FGF5: variants seen among roughly 807,000 people sequenced by gnomAD.
The protein encoded by FGF5 is fibroblast growth factor 5, also known as heparin-binding growth factor 5.
FGF5 carries 23 observed loss-of-function variants against 21.8 expected under a neutral mutation model. The observed-to-expected ratio is 1.05, with a 90% confidence interval of 0.76 to 1.49. FGF5 has a LOEUF of 1.49. Ranked by LOEUF, FGF5 falls within the 40% of genes most tolerant of loss-of-function variation. The probability of loss-of-function intolerance (pLI) is 0.00; values close to 1 mark genes in which losing one functional copy is unlikely to be tolerated. For synonymous variants in FGF5, 158 were observed against 124.0 expected (o/e 1.27, Z -1.82); for missense variants, 352 against 332.9 (o/e 1.06, Z -0.45).
intron 2 of FGF5, among the ~76,000 whole-genome samples, chr4:80,282,014 G>A (rs1720566135): frequency 6.6e-6 from 1 of 151,986 alleles, no homozygotes; most frequent in Non-Finnish European, 1.5e-5. Context: ...CCAGGCTAGA[G>A]TGCAATGGTA....
intron 1 of FGF5, among the ~76,000 whole-genome samples, chr4:80,273,990 A>G (rs1041817992): frequency 1.3e-5 from 2 of 152,268 alleles, no homozygotes; most frequent in Admixed American, 1.3e-4. Flanking sequence ...GAAATAGACA[A>G]CTAATAAAAC....
chr4:80,271,757 G>GT (rs1299954853), intron 1 of FGF5, among the ~76,000 whole-genome samples: 2 of 152,142 alleles, frequency 1.3e-5, no homozygotes, highest in African/African-American at 4.8e-5. Context: ...AAGGAGAATT[G>GT]TAAGTTTCCA....
At chr4:80,269,568 A>G (rs1004331971) in intron 1 of FGF5, among the ~76,000 whole-genome samples, 1 of 152,218 alleles carries the variant, frequency 6.6e-6, no homozygotes, top group Admixed American at 6.5e-5. Context: ...AAAGATATCT[A>G]CAAGAGAACA....
chr4:80,288,905 T>G lies in FGF5; in HGVS notation c.*2233T>G, dbSNP rs1214843637. 1 of 152,488 alleles carries G rather than the reference T, an allele frequency of 6.6e-6. No individual in the cohort carries two copies. The highest frequency in any genetic ancestry group is 6.6e-5 in the Admixed American group (1 of 15,256). The allele number at this position is 152,488 out of a possible 1,614,324, so 9.4% of individuals were successfully genotyped here. A position where few individuals can be genotyped will look rare whatever the true frequency, so the allele number is the denominator to read the frequency against. ...AAATATATATTATGCAAGTCAGGAATCATTAATTTCAAAATTTAAAGCCAT... is the reference window on the plus strand; with the variant it reads ...AAATATATATTATGCAAGTCAGGAAGCATTAATTTCAAAATTTAAAGCCAT... On this transcript the variant is annotated 3_prime_UTR_variant, in exon 3 of 3. Transcript: ENST00000312465.
At position 80,286,967 on chromosome 4, in the gene FGF5, G is replaced by T. The variant is rs1578299835; in HGVS notation, c.*295G>T. ...TATTTTCGGAAAGTTAAATAACAGG[G>T]ACTACGTATTTTTCTGACTTTTACA... On this transcript the variant is annotated 3_prime_UTR_variant, in exon 3 of 3. Coordinates refer to ENST00000312465, the MANE Select transcript of FGF5 (RefSeq NM_004464.4). 3.9e-6 allele frequency: 1 copy of T among 255,650 alleles called. No individual in the cohort carries two copies. The highest frequency in any genetic ancestry group is 6.9e-5 in the East Asian group (1 of 14,512). The allele number at this position is 255,650 out of a possible 1,614,324, so 15.8% of individuals were successfully genotyped here. A position where few individuals can be genotyped will look rare whatever the true frequency, so the allele number is the denominator to read the frequency against.
chr4:80,281,156 C>T (rs1165300230), intron 2 of FGF5, among the ~76,000 whole-genome samples: 1 of 152,024 alleles, frequency 6.6e-6, no homozygotes, highest in Non-Finnish European at 1.5e-5. Flanking sequence ...CCATACACAG[C>T]TTATATAGTA....
intron 2 of FGF5, among the ~76,000 whole-genome samples, 169 bp from the exon 3 acceptor site, chr4:80,286,156 A>G (rs561519048): frequency 3.3e-5 from 5 of 152,328 alleles, no homozygotes; most frequent in East Asian, 1.9e-4. Flanking sequence ...GAAAAATAGT[A>G]ATTTTAAAGC....
intron 2 of FGF5, among the ~76,000 whole-genome samples, chr4:80,279,705 G>T (rs1720504184): frequency 6.6e-6 from 1 of 152,158 alleles, no homozygotes; most frequent in African/African-American, 2.4e-5. Flanking sequence ...GGAAAAGGTG[G>T]TTATCATGTA....
intron 1 of FGF5, among the ~76,000 whole-genome samples, chr4:80,271,899 C>T (rs531957511): frequency 5.9e-5 from 9 of 152,232 alleles, no homozygotes; most frequent in East Asian, 5.8e-4. Context: ...TAAAAAATTA[C>T]GTAGAATTCC....
intron 2 of FGF5, among the ~76,000 whole-genome samples, chr4:80,285,855 C>A (rs534024560): frequency 1.6e-4 from 25 of 152,222 alleles, no homozygotes; most frequent in African/African-American, 5.5e-4. Context: ...TGAAAAAATG[C>A]AAGCTTGTTT....
At chr4:80,283,000 A>G (rs1053093830) in intron 2 of FGF5, among the ~76,000 whole-genome samples, 12 of 152,194 alleles carry the variant, frequency 7.9e-5, no homozygotes, top group East Asian at 3.9e-4. Context: ...CATTATGTAT[A>G]GAGATATACT....
At position 80,289,017 on chromosome 4, in the gene FGF5, CAG is replaced by C. The variant is rs1027708698; in HGVS notation, c.*2348_*2349del. ...AATGATTTTTTTTTTTTTTTTGAGA[CAG>C]AGTCTTGCTCTGTCACCAGGCTGGA... On this transcript the variant is annotated 3_prime_UTR_variant, in exon 3 of 3. Transcript: ENST00000312465. The C allele has an allele frequency of 3.5e-5, 5 of 144,222 alleles. No homozygotes were observed. Among genetic ancestry groups the C allele is most frequent in the African/African-American group, 1.3e-4 (5 of 37,178 alleles). 8.9% of individuals were successfully genotyped at this position (144,222 alleles called of 1,614,324 possible).
intron 1 of FGF5, among the ~76,000 whole-genome samples, chr4:80,274,355 T>A (rs958069314): frequency 1.3e-5 from 2 of 152,122 alleles, no homozygotes; most frequent in Non-Finnish European, 2.9e-5. Flanking sequence ...GTATCTTATA[T>A]GTAGTCTTTA....
chr4:80,285,353 A>G (rs1212277224), intron 2 of FGF5, among the ~76,000 whole-genome samples: 1 of 152,112 alleles, frequency 6.6e-6, no homozygotes, highest in South Asian at 2.1e-4. Flanking sequence ...TGTCATGTTG[A>G]CCTTTCAACA....
Position 80,266,750 on chromosome 4 carries a change from C to A in FGF5, c.-75C>A. On this transcript the variant is annotated 5_prime_UTR_variant, in exon 1 of 3. Transcript: ENST00000312465. The stretch of plus-strand genomic sequence containing the variant: ...GCGGCGAGGCGGGCAGAGCCAGAGG[C>A]ACGCAGCCGCACAGGGGCTACAGAG... 1 of 1,288,040 alleles carries A rather than the reference C, an allele frequency of 7.8e-7. No individual in the cohort carries two copies. Among genetic ancestry groups the A allele is most frequent in the Non-Finnish European group, 1.1e-6 (1 of 937,956 alleles). The allele number at this position is 1,288,040 out of a possible 1,614,324, so 79.8% of individuals were successfully genotyped here.
At chr4:80,282,767 A>AG (rs1263257530) in intron 2 of FGF5, among the ~76,000 whole-genome samples, 1 of 152,166 alleles carries the variant, frequency 6.6e-6, no homozygotes, top group African/African-American at 2.4e-5. Context: ...CTATAGAAAA[A>AG]GTCTGTTAAT....
At chr4:80,268,609 G>A (rs1720181684) in intron 1 of FGF5, 1 of 751,208 alleles carries the variant, frequency 1.3e-6, no homozygotes, top group Non-Finnish European at 1.6e-6. Context: ...GTGGGTTAAG[G>A]GGGCCTAATG....
At chr4:80,268,306 C>A in intron 1 of FGF5, 1 of 196,534 alleles carries the variant, frequency 5.1e-6, no homozygotes, top group Non-Finnish European at 9.3e-6. Context: ...GGTTGGTCCA[C>A]CAGGCAGAGC....
intron 2 of FGF5, among the ~76,000 whole-genome samples, chr4:80,282,065 C>T (rs1428960623): frequency 6.6e-6 from 1 of 152,038 alleles, no homozygotes; most frequent in Admixed American, 6.6e-5. Context: ...TGGGTTCAAG[C>T]GATTCTCCTG....
Sources: allele counts gnomAD v4.1 joint callset (sites outside exome capture counted in the v4.1 genomes callset), GRCh38; gene constraint gnomAD v4.1.1; transcripts MANE v1.5; gene names NCBI Gene and HGNC (gene_info 2026-07-23, HGNC 2026-07-21).